MET: variants seen among roughly 807,000 people sequenced by gnomAD.
MET encodes MET proto-oncogene, receptor tyrosine kinase.
A neutral mutation model predicts 133.1 loss-of-function variants in MET; 48 were observed. That is an observed-to-expected ratio of 0.36 (90% CI 0.29 to 0.46). MET has a LOEUF of 0.46. Among genes scored for constraint, MET ranks in the 20% least tolerant of loss-of-function variants. The pLI, the probability that MET is intolerant of heterozygous loss-of-function variation, is 1.00. For synonymous variants in MET, 628 were observed against 616.5 expected, an observed-to-expected ratio of 1.02 and a Z score of -0.28; for missense variants, 1,442 against 1,695.9, an observed-to-expected ratio of 0.85 and a Z score of 2.63.
At chr7:116,775,224 G>T in intron 15 of MET, 113 bp downstream of exon 15, 1 of 906,532 alleles carries the variant, frequency 1.1e-6, no homozygotes, top group Non-Finnish European at 1.8e-6. Flanking sequence ...ACAGAGCAGT[G>T]ATAACAAGTG....
chr7:116,705,398 G>A (rs537226354), intron 2 of MET, among the ~76,000 whole-genome samples: 7 of 152,060 alleles, frequency 4.6e-5, no homozygotes, highest in Non-Finnish European at 7.4e-5. Context: ...TAACATCCAT[G>A]TGATTATACT....
chr7:116,784,659 C>A (rs1426334478), intron 19 of MET, among the ~76,000 whole-genome samples: 2 of 152,118 alleles, frequency 1.3e-5, no homozygotes, highest in Non-Finnish European at 2.9e-5. Context: ...TCCAACCACG[C>A]CCCTCCCTCA....
chr7:116,723,458 A>G lies in MET; in HGVS notation c.1201-8210A>G, dbSNP rs986281116. Among the ~76,000 whole-genome samples the G allele has an allele frequency of 1.2e-3, 176 of 152,098 alleles. 1 individual carries two copies. In the East Asian group the frequency reaches 0.019, roughly 17 times the overall value. On this transcript the variant is annotated intron_variant, in intron 2 of 20. Transcript: ENST00000397752. ...TCCCGTAGCTCAGAGTAATTTGATC[A>G]TCTGAAGCCTTCTTCTCTCAGCTCG...
rs2116984789 is a variant in MET at position 116,769,798 on chromosome 7, T to A, written c.2730+7T>A. On this transcript the variant is annotated splice_region_variant and intron_variant, in intron 12 of 20. Coordinates refer to ENST00000397752, the MANE Select transcript of MET (RefSeq NM_000245.4). ...CAGCGAGCTAAATATAGAGGTGGGA[T>A]TCCTGCATTCCTCTCATGATGTAAA... 1 of 1,612,618 alleles carries A rather than the reference T, an allele frequency of 6.2e-7. No homozygotes were observed. The highest frequency in any genetic ancestry group is 1.1e-5 in the South Asian group (1 of 91,060).
At chr7:116,743,127 A>G (rs1793527594) in intron 5 of MET, among the ~76,000 whole-genome samples, 1 of 152,330 alleles carries the variant, frequency 6.6e-6, no homozygotes, top group Non-Finnish European at 1.5e-5. Flanking sequence ...TGGGAAGGGC[A>G]AGGGATTGGG....
intron 17 of MET, among the ~76,000 whole-genome samples, 164 bp from the exon 18 acceptor site, chr7:116,781,824 C>T (rs1226291241): frequency 2.6e-5 from 4 of 152,230 alleles, no homozygotes; most frequent in African/African-American, 4.8e-5. Context: ...GCCATCCTCT[C>T]GCCTTGGCCT....
chr7:116,786,637 G>T (rs148090539), intron 19 of MET, among the ~76,000 whole-genome samples: 7 of 152,296 alleles, frequency 4.6e-5, no homozygotes, highest in South Asian at 2.1e-4. Context: ...AGGAGCACAG[G>T]TGTTGAATGG....
In MET at chr7:116,684,548, G is replaced by A. The variant is rs1020418470; in HGVS notation, c.-15+11971G>A. Among the ~76,000 whole-genome samples, 5 of 152,194 alleles carry A rather than the reference G, an allele frequency of 3.3e-5. No individual in the cohort carries two copies. In the South Asian group the frequency reaches 1.0e-3, roughly 31 times the overall value. ...GAAGGTAAGAGATGCATCAGAGAAGGCTTCCCAGAACTGTTCCCTAAGATG... is the reference window on the plus strand; with the variant it reads ...GAAGGTAAGAGATGCATCAGAGAAGACTTCCCAGAACTGTTCCCTAAGATG... On this transcript the variant is annotated intron_variant, in intron 1 of 20. Transcript: ENST00000397752.
At chr7:116,762,993 C>G (rs2116952693) in intron 10 of MET, 57 bp from the exon 11 acceptor site, 1 of 1,395,904 alleles carries the variant, frequency 7.2e-7, no homozygotes, top group Non-Finnish European at 1.0e-6. Context: ...TATAAAGTTG[C>G]TATGGATGTT....
intron 1 of MET, among the ~76,000 whole-genome samples, chr7:116,677,803 C>T (rs571397768): frequency 6.6e-6 from 1 of 152,232 alleles, no homozygotes; most frequent in Admixed American, 6.5e-5. Context: ...AGCCCACATA[C>T]TTTACATCAA....
chr7:116,795,039 G>A (rs993303089), intron 19 of MET, among the ~76,000 whole-genome samples: 1 of 152,106 alleles, frequency 6.6e-6, no homozygotes, highest in Non-Finnish European at 1.5e-5. Context: ...GTACTGATAC[G>A]GCTATTTTAT....
chr7:116,677,521 A>AT (rs933513895), intron 1 of MET, among the ~76,000 whole-genome samples: 13 of 152,130 alleles, frequency 8.5e-5, no homozygotes, highest in Non-Finnish European at 1.8e-4. Context: ...TATCTTTCAG[A>AT]TTTTCAAGAG....
chr7:116,674,412 A>G (rs979237333), intron 1 of MET, among the ~76,000 whole-genome samples: 4 of 152,058 alleles, frequency 2.6e-5, no homozygotes, highest in Non-Finnish European at 5.9e-5. Flanking sequence ...CCTTGCATTA[A>G]TCTTGAAATC....
intron 5 of MET, among the ~76,000 whole-genome samples, chr7:116,748,059 A>G (rs558125492): frequency 9.9e-5 from 15 of 152,158 alleles, no homozygotes; most frequent in Non-Finnish European, 2.2e-4. Context: ...CCTGACTAAC[A>G]TGGTGAAACC....
At chr7:116,752,089 A>T (rs1429593043) in intron 5 of MET, among the ~76,000 whole-genome samples, 1 of 151,984 alleles carries the variant, frequency 6.6e-6, no homozygotes, top group African/African-American at 2.4e-5. Context: ...AAGAAAGAAA[A>T]TTCAACCCCA....
intron 2 of MET, among the ~76,000 whole-genome samples, chr7:116,722,818 C>G (rs1022778639): frequency 3.3e-5 from 5 of 152,064 alleles, no homozygotes; most frequent in Non-Finnish European, 7.3e-5. Context: ...CCCCCACTCT[C>G]TTCTGGCTTG....
At chr7:116,712,761 G>T (rs1203635437) in intron 2 of MET, among the ~76,000 whole-genome samples, 1 of 151,598 alleles carries the variant, frequency 6.6e-6, no homozygotes, top group African/African-American at 2.4e-5. Flanking sequence ...GAACAAAGAA[G>T]AAGAAAAATG....
chr7:116,722,266 G>C (rs1228338878), intron 2 of MET, among the ~76,000 whole-genome samples: 1 of 150,536 alleles, frequency 6.6e-6, no homozygotes, highest in African/African-American at 2.4e-5. Flanking sequence ...GATCTTTGTT[G>C]GTTTAAAGTC....
At chr7:116,746,932 A>T (rs977934257) in intron 5 of MET, among the ~76,000 whole-genome samples, 3 of 152,106 alleles carry the variant, frequency 2.0e-5, no homozygotes, top group East Asian at 1.9e-4. Flanking sequence ...TATAATAAAA[A>T]ATATATATAA....
Sources: allele counts gnomAD v4.1 joint callset (sites outside exome capture counted in the v4.1 genomes callset), GRCh38; gene constraint gnomAD v4.1.1; transcripts MANE v1.5; gene names NCBI Gene and HGNC (gene_info 2026-07-23, HGNC 2026-07-21).